Variants in DEK observed in about 807,000 individuals in gnomAD.
The protein encoded by DEK is DEK proto-oncogene.
In DEK, 28 loss-of-function variants were observed where a neutral mutation model predicts 46.8. The observed-to-expected ratio is 0.60, with a 90% CI of 0.44 to 0.82. The LOEUF (loss-of-function observed/expected upper bound fraction) is 0.82. Among genes scored for constraint, DEK ranks in the 40% least tolerant of loss-of-function variants. DEK has a pLI of 0.00. For synonymous variants in DEK, 160 were observed against 144.5 expected (o/e 1.11, Z -0.77); for missense variants, 416 against 430.6 (o/e 0.97, Z 0.30).
At chr6:18,226,281 A>AT in intron 9 of DEK, 39 bp from the exon 10 acceptor site, 2 of 1,304,462 alleles carry the variant, frequency 1.5e-6, no homozygotes, top group Middle Eastern at 1.9e-4. Context: ...TTAAAAGCAG[A>AT]TTTTAAAATC....
Position 18,225,566 on chromosome 6 carries a change from C to A in DEK, c.*153G>T. 1.3e-6 allele frequency: 1 copy of A among 742,388 alleles called. No individual in the cohort carries two copies. The highest frequency in any genetic ancestry group is 2.9e-5 in the South Asian group (1 of 34,916). 46.0% of individuals were successfully genotyped at this position (742,388 alleles called of 1,614,324 possible). ...CAATTTAAAACAGCAAACTCAAATTCACATAACACTCAAGATAAAAAGGTC... is the reference window on the plus strand; with the variant it reads ...CAATTTAAAACAGCAAACTCAAATTAACATAACACTCAAGATAAAAAGGTC... On this transcript the variant is annotated 3_prime_UTR_variant, in exon 11 of 11. Coordinates refer to ENST00000652689, the MANE Select transcript of DEK (RefSeq NM_003472.4).
intron 9 of DEK, among the ~76,000 whole-genome samples, chr6:18,227,564 T>G (rs1382851711): frequency 6.6e-6 from 1 of 152,056 alleles, no homozygotes; most frequent in East Asian, 1.9e-4. Flanking sequence ...GGCCGGATCC[T>G]CCGTATACTG....
chr6:18,225,876 G>A, intron 10 of DEK, 146 bp from the exon 11 acceptor site: 1 of 983,752 alleles, frequency 1.0e-6, no homozygotes, highest in Non-Finnish European at 1.5e-6. Context: ...CCTCACCTTT[G>A]CCTCGTAGAC....
chr6:18,236,331 A>T (rs1790644676), intron 9 of DEK, 121 bp downstream of exon 9: 1 of 1,037,008 alleles, frequency 9.6e-7, no homozygotes, highest in East Asian at 2.7e-5. Context: ...TCTGGCATAT[A>T]GTAGTTCAAT....
intron 6 of DEK, 34 bp from the exon 7 acceptor site, chr6:18,249,873 G>T (rs201872731): frequency 2.0e-5 from 31 of 1,536,772 alleles, no homozygotes; most frequent in Non-Finnish European, 2.4e-5. Flanking sequence ...ACACCAATGA[G>T]GTATAATATT....
chr6:18,247,951 C>T (rs905848957), intron 7 of DEK, among the ~76,000 whole-genome samples: 2 of 152,180 alleles, frequency 1.3e-5, no homozygotes, highest in Admixed American at 6.5e-5. Flanking sequence ...GGATTACAGG[C>T]ATGGGTCACC....
chr6:18,243,319 G>C (rs1399657474), intron 7 of DEK, among the ~76,000 whole-genome samples: 1 of 137,328 alleles, frequency 7.3e-6, no homozygotes, highest in Non-Finnish European at 1.5e-5. Context: ...CAGAGGACGT[G>C]TCTCATTTTT....
chr6:18,228,347 T>C lies in DEK; in HGVS notation c.1048-2105A>G, dbSNP rs569066020. On this transcript the variant is annotated intron_variant, in intron 9 of 10. Coordinates refer to ENST00000652689, the MANE Select transcript of DEK (RefSeq NM_003472.4). Reference sequence around the variant, plus strand: ...CACAGGCTGTAGTATGCCAACCCTCTAAAATATAGTTCATCATTTAAATTA... The same window carrying C: ...CACAGGCTGTAGTATGCCAACCCTCCAAAATATAGTTCATCATTTAAATTA... 2.1e-4 allele frequency among the ~76,000 whole-genome samples: 32 copies of C among 152,254 alleles called. 1 individual carries two copies. The South Asian group carries it at 6.4e-3, about 31-fold the overall frequency.
In DEK at chr6:18,224,552, G is replaced by C. The variant is rs1380529589; in HGVS notation, c.*1167C>G. ...ATGTTGATCATCTAGAATCAACACTGATTAACCAAACTCTGAAAGCCAAGA... is the reference window on the plus strand; with the variant it reads ...ATGTTGATCATCTAGAATCAACACTCATTAACCAAACTCTGAAAGCCAAGA... On this transcript the variant is annotated 3_prime_UTR_variant, in exon 11 of 11. Coordinates refer to ENST00000652689, the MANE Select transcript of DEK (RefSeq NM_003472.4). 9.9e-6 allele frequency: 2 copies of C among 201,412 alleles called. No homozygotes were observed. The highest frequency in any genetic ancestry group is 4.6e-5 in the African/African-American group (2 of 43,428). The allele number at this position is 201,412 out of a possible 1,614,324, so 12.5% of individuals were successfully genotyped here.
At chr6:18,258,992 T>C (rs1436973950) in intron 2 of DEK, among the ~76,000 whole-genome samples, 1 of 152,154 alleles carries the variant, frequency 6.6e-6, no homozygotes, top group East Asian at 1.9e-4. Context: ...ATGAATAACA[T>C]TCCTAATGAT....
chr6:18,245,492 A>G (rs865799194), intron 7 of DEK, among the ~76,000 whole-genome samples: 1 of 152,016 alleles, frequency 6.6e-6, no homozygotes, highest in East Asian at 1.9e-4. Context: ...AAATACTCGT[A>G]AAACTCCACA....
chr6:18,238,963 G>C (rs1790786268), intron 7 of DEK, among the ~76,000 whole-genome samples: 1 of 151,942 alleles, frequency 6.6e-6, no homozygotes, highest in South Asian at 2.1e-4. Context: ...TTGTTGCCCA[G>C]GCAGGAGCAG....
In DEK at chr6:18,243,361, T is replaced by C. The variant is rs79695538; in HGVS notation, c.763-5845A>G. Among the ~76,000 whole-genome samples, 28 of 152,018 alleles carry C rather than the reference T, an allele frequency of 1.8e-4. No homozygotes were observed. The East Asian group carries it at 4.1e-3, about 22-fold the overall frequency. On this transcript the variant is annotated intron_variant, in intron 7 of 10. Transcript: ENST00000652689. ...TCCCACTTAGTAAAATGCTCAGGTA[T>C]AGAATAAGATAATCATTTTGAATGA... is the stretch of plus-strand genomic sequence containing the variant.
In DEK at chr6:18,237,383, T is replaced by C; in HGVS notation, c.896A>G (p.Lys299Arg). ...TTKKNQNSSK[K>R]ESESEDSSDD... Reference sequence around the variant, plus strand: ...GATTAATGTTATTTCTAACATACCTTTTTTGGAACTGTTTTGATTCTTCTT... The same window carrying C: ...GATTAATGTTATTTCTAACATACCTCTTTTGGAACTGTTTTGATTCTTCTT... The change falls in exon 8 of 11, where the codon AAA (lysine) becomes AGA (arginine). Residue 299 changes from lysine (K) to arginine (R), a missense_variant and splice_region_variant. Transcript: ENST00000652689. 1.9e-6 allele frequency: 3 copies of C among 1,589,930 alleles called. No individual in the cohort carries two copies. The highest frequency in any genetic ancestry group is 2.6e-6 in the Non-Finnish European group (3 of 1,174,558).
chr6:18,226,745 A>G (rs1374004126), intron 9 of DEK, among the ~76,000 whole-genome samples: 1 of 152,172 alleles, frequency 6.6e-6, no homozygotes, highest in East Asian at 1.9e-4. Context: ...GTGGCACTGC[A>G]TTCCAGCCTG....
At chr6:18,233,331 A>G (rs1790493174) in intron 9 of DEK, among the ~76,000 whole-genome samples, 1 of 152,200 alleles carries the variant, frequency 6.6e-6, no homozygotes, top group Non-Finnish European at 1.5e-5. Context: ...CAATGGCAAC[A>G]AAAGCCAAAA....
At chr6:18,262,572 G>C (rs968583306) in intron 2 of DEK, among the ~76,000 whole-genome samples, 1 of 152,108 alleles carries the variant, frequency 6.6e-6, no homozygotes, top group Non-Finnish European at 1.5e-5. Flanking sequence ...GCATTACTGT[G>C]TTGGCCACTT....
intron 6 of DEK, among the ~76,000 whole-genome samples, chr6:18,252,656 G>A (rs1364017289): frequency 1.3e-5 from 2 of 152,118 alleles, no homozygotes; most frequent in African/African-American, 4.8e-5. Flanking sequence ...TCACAGTGTG[G>A]TTCAAGGACT....
chr6:18,235,292 C>CT (rs1167277625), intron 9 of DEK, among the ~76,000 whole-genome samples: 1 of 152,178 alleles, frequency 6.6e-6, no homozygotes, highest in Non-Finnish European at 1.5e-5. Flanking sequence ...CTGCAAAACT[C>CT]TAATATTTTC....
Sources: allele counts gnomAD v4.1 joint callset (sites outside exome capture counted in the v4.1 genomes callset), GRCh38; gene constraint gnomAD v4.1.1; transcripts MANE v1.5; gene names NCBI Gene and HGNC (gene_info 2026-07-23, HGNC 2026-07-21).